Variants in CDH13 observed in about 807,000 individuals in gnomAD.
CDH13 encodes cadherin-13.
CDH13 carries 24 observed loss-of-function variants against 63.8 expected under a neutral mutation model. The ratio of observed to expected loss-of-function variants is 0.38; its 90% CI spans 0.27 to 0.53. The LOEUF (loss-of-function observed/expected upper bound fraction) is 0.53, where lower values mean the gene tolerates loss of function less well. Among genes scored for constraint, CDH13 ranks in the 20% least tolerant of loss-of-function variants. CDH13 has a pLI of 0.85. For missense variants in CDH13, 1,049 were observed against 903.1 expected (o/e 1.16, Z -2.07); for synonymous variants, 503 against 355.3 (o/e 1.42, Z -4.67).
chr16:83,031,905 G>C, intron 2 of CDH13, 105 bp from the exon 3 acceptor site: 2 of 875,672 alleles, frequency 2.3e-6, no homozygotes, highest in Non-Finnish European at 3.6e-6. Flanking sequence ...GTGAACTCTG[G>C]GTTGGGAAAC....
chr16:83,745,164 G>A (rs1162685911), intron 10 of CDH13, among the ~76,000 whole-genome samples: 1 of 152,166 alleles, frequency 6.6e-6, no homozygotes, highest in Non-Finnish European at 1.5e-5. Context: ...TGCTGCTGCA[G>A]CTGTGTTACT....
intron 11 of CDH13, among the ~76,000 whole-genome samples, chr16:83,749,678 T>A (rs1012010309): frequency 6.6e-6 from 1 of 152,138 alleles, no homozygotes; most frequent in African/African-American, 2.4e-5. Context: ...GACCAGATCT[T>A]GTGCTTGGTC....
chr16:82,652,888 T>A (rs1398878937), intron 1 of CDH13, among the ~76,000 whole-genome samples: 1 of 152,214 alleles, frequency 6.6e-6, no homozygotes, highest in African/African-American at 2.4e-5. Context: ...AAATCAAAAC[T>A]GTTGCTCAAA....
chr16:83,525,166 T>C (rs1225913186), intron 7 of CDH13, among the ~76,000 whole-genome samples: 1 of 152,182 alleles, frequency 6.6e-6, no homozygotes, highest in South Asian at 2.1e-4. Context: ...CTGTGCCTCA[T>C]GTCCATCCTT....
chr16:82,969,097 ACT>A (rs1221800590), intron 2 of CDH13, among the ~76,000 whole-genome samples: 3 of 151,954 alleles, frequency 2.0e-5, no homozygotes, highest in African/African-American at 4.8e-5. Context: ...ACAGAATGAG[ACT>A]CTCTCTCAAA....
At chr16:82,705,269 G>A (rs1188547054) in intron 1 of CDH13, 1 of 417,114 alleles carries the variant, frequency 2.4e-6, no homozygotes, top group Non-Finnish European at 4.7e-6. Context: ...AGACCACGTT[G>A]GACAGGTGAG....
intron 6 of CDH13, among the ~76,000 whole-genome samples, chr16:83,401,543 A>G (rs1391053006): frequency 1.3e-5 from 2 of 152,000 alleles, no homozygotes; most frequent in African/African-American, 2.4e-5. Flanking sequence ...AAATAAAAAT[A>G]ATCTGTGGTT....
intron 6 of CDH13, among the ~76,000 whole-genome samples, chr16:83,346,846 C>CTCTA (rs1158908802): frequency 6.6e-6 from 1 of 152,106 alleles, no homozygotes; most frequent in Non-Finnish European, 1.5e-5. Flanking sequence ...TTTCTTAAAT[C>CTCTA]ACAGAGTTAT....
intron 5 of CDH13, among the ~76,000 whole-genome samples, chr16:83,245,880 C>T (rs1013615635): frequency 2.6e-5 from 4 of 152,102 alleles, no homozygotes; most frequent in Non-Finnish European, 5.9e-5. Flanking sequence ...GTAGCCCGGA[C>T]TACAGGCACG....
chr16:83,248,461 C>T (rs1293099384), intron 5 of CDH13, among the ~76,000 whole-genome samples: 2 of 152,132 alleles, frequency 1.3e-5, no homozygotes, highest in African/African-American at 4.8e-5. Flanking sequence ...GTCATTGTAT[C>T]ATCATAAAAA....
intron 4 of CDH13, among the ~76,000 whole-genome samples, chr16:83,196,384 C>A (rs943584867): frequency 2.0e-5 from 3 of 152,098 alleles, no homozygotes; most frequent in African/African-American, 7.2e-5. Flanking sequence ...AGGCAGAGTT[C>A]TTATACTTGT....
At chr16:83,783,831 C>T (rs1915696553) in intron 13 of CDH13, among the ~76,000 whole-genome samples, 1 of 152,160 alleles carries the variant, frequency 6.6e-6, no homozygotes, top group Admixed American at 6.5e-5. Context: ...CTACATTATG[C>T]AGAATAATCT....
chr16:83,029,851 C>G (rs898081066), intron 2 of CDH13, among the ~76,000 whole-genome samples: 4 of 152,070 alleles, frequency 2.6e-5, no homozygotes, highest in African/African-American at 7.2e-5. Context: ...TTATATGTGT[C>G]TACATTATGC....
intron 1 of CDH13, among the ~76,000 whole-genome samples, chr16:82,817,739 A>C (rs1011326984): frequency 6.6e-6 from 1 of 152,158 alleles, no homozygotes; most frequent in African/African-American, 2.4e-5. Context: ...CAGGAGGCAG[A>C]GGTTGCTGTA....
At chr16:83,472,991 A>T (rs80018196) in intron 6 of CDH13, among the ~76,000 whole-genome samples, 2,120 of 151,974 alleles carry the variant, frequency 0.014, 49 homozygotes, top group African/African-American at 0.047. Context: ...AATGGAAATG[A>T]CTCTCCAGTT....
chr16:83,368,749 G>T (rs1340479256), intron 6 of CDH13, among the ~76,000 whole-genome samples: 1 of 151,116 alleles, frequency 6.6e-6, no homozygotes, highest in African/African-American at 2.4e-5. Context: ...GCTCCTACAG[G>T]TGAGTGAGAA....
At chr16:83,088,117 TCTGA>T (rs1278553280) in intron 3 of CDH13, among the ~76,000 whole-genome samples, 1 of 152,220 alleles carries the variant, frequency 6.6e-6, no homozygotes, top group African/African-American at 2.4e-5. Context: ...TACCTGCTGT[TCTGA>T]CTATCTTAAT....
chr16:83,598,168 C>G (rs1338908709), intron 7 of CDH13, among the ~76,000 whole-genome samples: 2 of 152,100 alleles, frequency 1.3e-5, no homozygotes, highest in East Asian at 3.9e-4. Flanking sequence ...GAGTTCAGGA[C>G]CAGCCTGGGC....
intron 11 of CDH13, among the ~76,000 whole-genome samples, chr16:83,767,550 A>G (rs1465724974): frequency 6.6e-6 from 1 of 152,192 alleles, no homozygotes; most frequent in East Asian, 1.9e-4. Flanking sequence ...ATGAGGATAG[A>G]CTAATACAGA....
Sources: gnomAD v4.1 joint callset for allele counts (sites outside exome capture counted in the v4.1 genomes callset) on GRCh38, gnomAD v4.1.1 for gene constraint, MANE v1.5 for transcripts, NCBI Gene and HGNC (gene_info 2026-07-23, HGNC 2026-07-21) for gene names.